The following ZNF487 variants were observed in gnomAD, a reference collection of about 807,000 sequenced individuals.
The protein encoded by ZNF487 is zinc finger protein 487, also known as KRAB domain only 1.
In ZNF487, 4 loss-of-function variants were observed where a neutral mutation model predicts 3.0. The ratio of observed to expected loss-of-function variants is 1.35; its 90% CI spans 0.66 to 3.08. The LOEUF (loss-of-function observed/expected upper bound fraction) is 3.08, where lower values mean the gene tolerates loss of function less well. ZNF487 is among the 30% of genes most tolerant of loss of function. The pLI, the probability that ZNF487 is intolerant of heterozygous loss-of-function variation, is 0.01. For synonymous variants in ZNF487, 55 were observed against 34.6 expected (o/e 1.59, Z -2.06); for missense variants, 146 against 98.7 (o/e 1.48, Z -2.03).
intron 1 of ZNF487, among the ~76,000 whole-genome samples, chr10:43,442,536 C>T (rs985000778): frequency 2.4e-4 from 36 of 152,138 alleles, no homozygotes; most frequent in African/African-American, 7.0e-4. Context: ...CTCCACCCTC[C>T]GGGTTGAAAT....
At chr10:43,444,564 GTTCGTT>G (rs1254280896) in intron 1 of ZNF487, among the ~76,000 whole-genome samples, 1 of 151,876 alleles carries the variant, frequency 6.6e-6, no homozygotes, top group Non-Finnish European at 1.5e-5. Context: ...TTTACAGGTT[GTTCGTT>G]TTTTGTTTGT....
intron 1 of ZNF487, among the ~76,000 whole-genome samples, chr10:43,466,264 C>T (rs977092239): frequency 6.6e-6 from 1 of 151,902 alleles, no homozygotes; most frequent in Non-Finnish European, 1.5e-5. Context: ...GGCTGGTCTC[C>T]AACTCCTGAT....
At position 43,465,031 on chromosome 10, in the gene ZNF487, C is replaced by T. The variant is rs559348846; in HGVS notation, c.-93-10690C>T. On this transcript the variant is annotated intron_variant, in intron 1 of 3. Coordinates refer to ENST00000437590, the MANE Select transcript of ZNF487 (RefSeq NM_001355444.3). ...CCCACCTCCCTCCCGGACGGGGCGG[C>T]TGGCCGGGCGGGGGGCTGACCCCCC... Among the ~76,000 whole-genome samples, 10 of 131,852 alleles carry T rather than the reference C, an allele frequency of 7.6e-5. 1 individual carries two copies. In the South Asian group the frequency reaches 2.4e-3, roughly 32 times the overall value. 86.5% of individuals were successfully genotyped at this position (131,852 alleles called of 152,430 possible).
At chr10:43,441,777 G>A (rs1027347653) in intron 1 of ZNF487, among the ~76,000 whole-genome samples, 7 of 151,926 alleles carry the variant, frequency 4.6e-5, no homozygotes, top group Non-Finnish European at 8.8e-5. Context: ...AGTTGAGACG[G>A]GGTTTCACCA....
chr10:43,457,749 A>G (rs1165259910), intron 1 of ZNF487, among the ~76,000 whole-genome samples: 1 of 150,206 alleles, frequency 6.7e-6, no homozygotes, highest in South Asian at 2.1e-4. Flanking sequence ...TTTGCCGGGC[A>G]GGGTGGCTCA....
At chr10:43,477,351 C>T (rs568458832) in intron 3 of ZNF487, among the ~76,000 whole-genome samples, 15 of 151,906 alleles carry the variant, frequency 9.9e-5, no homozygotes, top group South Asian at 6.2e-4. Flanking sequence ...TGTATCACCA[C>T]GCCTGACTAA....
chr10:43,446,439 G>C (rs1367954091), intron 1 of ZNF487, among the ~76,000 whole-genome samples: 1 of 150,130 alleles, frequency 6.7e-6, no homozygotes, highest in East Asian at 2.0e-4. Context: ...TTCCCAGACA[G>C]GGTCGCCGCC....
At chr10:43,518,187 C>T in the ZNF487 span, among the ~76,000 whole-genome samples, 1 of 152,178 alleles carries the variant, frequency 6.6e-6, no homozygotes, top group South Asian at 2.1e-4. Context: ...CCTGAACACA[C>T]CTTTCTGACC....
downstream of ZNF487, among the ~76,000 whole-genome samples, chr10:43,485,093 T>C (rs573590686): frequency 6.6e-6 from 1 of 152,326 alleles, no homozygotes; most frequent in Non-Finnish European, 1.5e-5. Flanking sequence ...CTCCTAACTT[T>C]ATTCTTACCT....
the ZNF487 span, among the ~76,000 whole-genome samples, chr10:43,520,020 GTTGTTC>G: frequency 1.3e-5 from 2 of 152,138 alleles, no homozygotes; most frequent in African/African-American, 4.8e-5. Flanking sequence ...TCTTATTGCT[GTTGTTC>G]TTGTTACATA....
At chr10:43,504,891 G>A in the ZNF487 span, among the ~76,000 whole-genome samples, 1 of 151,762 alleles carries the variant, frequency 6.6e-6, no homozygotes, top group East Asian at 2.0e-4. Flanking sequence ...TATTTTAGTA[G>A]AGACCGGGTT....
At chr10:43,474,151 A>C (rs2132131091) in intron 1 of ZNF487, among the ~76,000 whole-genome samples, 1 of 124,990 alleles carries the variant, frequency 8.0e-6, no homozygotes, top group Admixed American at 9.3e-5. Context: ...ACAGAACAAG[A>C]CCGTGTTTCA....
intron 1 of ZNF487, among the ~76,000 whole-genome samples, chr10:43,443,142 A>G (rs564969804): frequency 4.8e-4 from 70 of 145,078 alleles, no homozygotes; most frequent in African/African-American, 1.7e-3. Context: ...TGCTCACTGC[A>G]ACCTCTGCCT....
chr10:43,467,582 C>T (rs1170667613), intron 1 of ZNF487, among the ~76,000 whole-genome samples: 2 of 151,652 alleles, frequency 1.3e-5, no homozygotes, highest in Admixed American at 6.6e-5. Context: ...TTTGGGAGGC[C>T]GAGGCTGGTG....
chr10:43,515,588 C>T, the ZNF487 span, among the ~76,000 whole-genome samples: 55 of 152,304 alleles, frequency 3.6e-4, no homozygotes, highest in Non-Finnish European at 5.7e-4. Context: ...CTTACTTTTG[C>T]AATAGATACC....
At chr10:43,476,920 G>A (rs1841119421) in intron 3 of ZNF487, among the ~76,000 whole-genome samples, 1 of 152,162 alleles carries the variant, frequency 6.6e-6, no homozygotes, top group African/African-American at 2.4e-5. Context: ...ATAAGAAAAA[G>A]ATAATAAGCA....
chr10:43,473,708 C>T lies in ZNF487; in HGVS notation c.-93-2013C>T, dbSNP rs144807619. Among the ~76,000 whole-genome samples, 244 of 152,014 alleles carry T rather than the reference C, an allele frequency of 1.6e-3. 1 individual carries two copies. Among genetic ancestry groups the T allele is most frequent in the East Asian group, 0.013 (66 of 5,160 alleles). ...GACCCAAACATCAACTTACCTTCGC[C>T]ACCTTTTATAAAAGCAACTTAAGTA... On this transcript the variant is annotated intron_variant, in intron 1 of 3. Coordinates refer to ENST00000437590, the MANE Select transcript of ZNF487 (RefSeq NM_001355444.3).
chr10:43,450,747 T>A (rs1295230185), intron 1 of ZNF487, among the ~76,000 whole-genome samples: 1 of 152,208 alleles, frequency 6.6e-6, no homozygotes, highest in Admixed American at 6.5e-5. Context: ...GTATTTCTGA[T>A]GTAAATTTAG....
At chr10:43,515,649 A>G in the ZNF487 span, among the ~76,000 whole-genome samples, 1 of 152,172 alleles carries the variant, frequency 6.6e-6, no homozygotes, top group East Asian at 1.9e-4. Flanking sequence ...CTCTCATGGT[A>G]AGAGCTTGTG....
Sources: gnomAD v4.1 joint callset for allele counts (sites outside exome capture counted in the v4.1 genomes callset) on GRCh38, gnomAD v4.1.1 for gene constraint, MANE v1.5 for transcripts, NCBI Gene and HGNC (gene_info 2026-07-23, HGNC 2026-07-21) for gene names.